VIT: variants seen among roughly 807,000 people sequenced by gnomAD.
VIT encodes vitrin.
In VIT, 99 loss-of-function variants were observed where a neutral mutation model predicts 78.0. The ratio of observed to expected loss-of-function variants is 1.27; its 90% confidence interval spans 1.08 to 1.50. The LOEUF is 1.50. Among genes scored for constraint, VIT ranks in the 40% most tolerant of loss-of-function variants. VIT has a pLI of 0.00. For missense variants in VIT, 1,126 were observed against 875.3 expected (o/e 1.29, Z -3.61); for synonymous variants, 374 against 334.3 (o/e 1.12, Z -1.29).
chr2:36,789,984 A>T (rs1361867874), intron 12 of VIT, among the ~76,000 whole-genome samples: 1 of 152,182 alleles, frequency 6.6e-6, no homozygotes, highest in Non-Finnish European at 1.5e-5. Context: ...TTCCTGGAAG[A>T]TTCCTTCCTT....
At chr2:36,737,992 C>T (rs1304061393) in intron 3 of VIT, among the ~76,000 whole-genome samples, 1 of 152,110 alleles carries the variant, frequency 6.6e-6, no homozygotes. Context: ...TAGACTCTAC[C>T]CTGGCAATTC....
rs570526953 is a variant in VIT at position 36,797,127 on chromosome 2, G to A, written c.1059-4174G>A. 2.1e-5 allele frequency among the ~76,000 whole-genome samples: 3 copies of A among 145,336 alleles called. No homozygotes were observed. In the Admixed American group the frequency reaches 2.1e-4, roughly 10 times the overall value. ...TTTTTTTTTTTTTGGCTCTGAAAAT[G>A]TTGATAACCCTTGGTCACTAGAGGA... On this transcript the variant is annotated intron_variant, in intron 12 of 15. Transcript: ENST00000379242.
chr2:36,711,006 G>C (rs989211910), intron 1 of VIT, among the ~76,000 whole-genome samples: 5 of 152,176 alleles, frequency 3.3e-5, no homozygotes, highest in Admixed American at 2.0e-4. Flanking sequence ...TTCCAAAGTA[G>C]TTGTACCATT....
intron 4 of VIT, among the ~76,000 whole-genome samples, chr2:36,750,855 T>C (rs1219172877): frequency 6.6e-6 from 1 of 151,914 alleles, no homozygotes; most frequent in African/African-American, 2.4e-5. Context: ...TAACATGTAA[T>C]CTTTTGCACT....
chr2:36,761,555 A>G (rs937965571), intron 6 of VIT, among the ~76,000 whole-genome samples: 1 of 152,110 alleles, frequency 6.6e-6, no homozygotes, highest in Non-Finnish European at 1.5e-5. Context: ...CCTGGCTAAC[A>G]TGGTGAAACT....
chr2:36,704,531 A>G (rs1665289770), intron 1 of VIT, among the ~76,000 whole-genome samples: 1 of 152,082 alleles, frequency 6.6e-6, no homozygotes, highest in South Asian at 2.1e-4. Flanking sequence ...CAGAGCAGGG[A>G]TTGTTCCCAG....
chr2:36,775,845 CATT>C, intron 9 of VIT, among the ~76,000 whole-genome samples: 1 of 152,274 alleles, frequency 6.6e-6, no homozygotes, highest in Non-Finnish European at 1.5e-5. Context: ...TATGAAGCTC[CATT>C]ATGGCTCCTA....
chr2:36,718,170 C>T (rs530666860), intron 2 of VIT, among the ~76,000 whole-genome samples: 82 of 152,268 alleles, frequency 5.4e-4, no homozygotes, highest in African/African-American at 1.9e-3. Context: ...CAAATAAGGT[C>T]ACATTCTAAG....
At chr2:36,777,014 A>C (rs60857073) in intron 9 of VIT, among the ~76,000 whole-genome samples, 1 of 142,376 alleles carries the variant, frequency 7.0e-6, no homozygotes, top group South Asian at 2.3e-4. Flanking sequence ...GCATGAACCC[A>C]GGAGGCGGAG....
intron 9 of VIT, among the ~76,000 whole-genome samples, chr2:36,778,666 CTGAGAGTCCT>C (rs1040919042): frequency 6.6e-6 from 1 of 152,208 alleles, no homozygotes; most frequent in African/African-American, 2.4e-5. Flanking sequence ...TCAGCCTTCT[CTGAGAGTCCT>C]TGTGTGATGC....
At chr2:36,813,178 G>A (rs919088359) in intron 15 of VIT, among the ~76,000 whole-genome samples, 5 of 150,216 alleles carry the variant, frequency 3.3e-5, no homozygotes, top group Non-Finnish European at 7.4e-5. Flanking sequence ...GGCCAGGCAC[G>A]GTGGCTCATG....
chr2:36,812,219 C>T (rs13417089), intron 15 of VIT, among the ~76,000 whole-genome samples: 1 of 151,886 alleles, frequency 6.6e-6, no homozygotes, highest in Non-Finnish European at 1.5e-5. Context: ...GGACCACAAT[C>T]AAAAAGCAGC....
At chr2:36,789,776 G>C (rs189837978) in intron 12 of VIT, among the ~76,000 whole-genome samples, 17 of 152,278 alleles carry the variant, frequency 1.1e-4, no homozygotes, top group Admixed American at 9.2e-4. Context: ...GAGGCCTTGA[G>C]AGCACCTGAT....
chr2:36,699,168 G>A (rs1317052864), intron 1 of VIT, among the ~76,000 whole-genome samples: 1 of 152,088 alleles, frequency 6.6e-6, no homozygotes, highest in Non-Finnish European at 1.5e-5. Context: ...AACACAATGG[G>A]CCTGTCTGTC....
rs535165842 is a variant in VIT at position 36,738,774 on chromosome 2, T to G, written c.119-4326T>G. ...ACATGCATTTAGAAAGTAAAGACTT[T>G]ATTGGCAAGTATTGGCAAGCCTAGA... is the stretch of plus-strand genomic sequence containing the variant. On this transcript the variant is annotated intron_variant, in intron 3 of 15. Coordinates refer to ENST00000379242, the MANE Select transcript of VIT (RefSeq NM_053276.4). Among the ~76,000 whole-genome samples the G allele has an allele frequency of 1.3e-5, 2 of 152,322 alleles. 1 individual carries two copies. Among genetic ancestry groups the G allele is most frequent in the South Asian group, 4.1e-4 (2 of 4,824 alleles).
chr2:36,770,801 C>T (rs1477345420), intron 7 of VIT, among the ~76,000 whole-genome samples: 1 of 152,216 alleles, frequency 6.6e-6, no homozygotes, highest in African/African-American at 2.4e-5. Flanking sequence ...TAATCAGGTT[C>T]ATTTCAAGAC....
At chr2:36,790,732 C>A (rs1387996661) in intron 12 of VIT, among the ~76,000 whole-genome samples, 1 of 152,170 alleles carries the variant, frequency 6.6e-6, no homozygotes, top group Non-Finnish European at 1.5e-5. Context: ...CGCTCATCTG[C>A]CAGGAAAGAG....
chr2:36,697,882 C>T (rs1031550189), intron 1 of VIT, among the ~76,000 whole-genome samples: 2 of 152,128 alleles, frequency 1.3e-5, no homozygotes, highest in Admixed American at 1.3e-4. Context: ...AGTATTTTGC[C>T]GTTACGTTGT....
chr2:36,792,219 T>G (rs1394255140), intron 12 of VIT, among the ~76,000 whole-genome samples: 3 of 152,176 alleles, frequency 2.0e-5, no homozygotes, highest in Non-Finnish European at 2.9e-5. Flanking sequence ...CTGCCTGGCC[T>G]GATTTTCCAG....
Sources: allele counts gnomAD v4.1 joint callset (sites outside exome capture counted in the v4.1 genomes callset), GRCh38; gene constraint gnomAD v4.1.1; transcripts MANE v1.5; gene names NCBI Gene and HGNC (gene_info 2026-07-23, HGNC 2026-07-21).